Variants in KIAA0232 observed in about 807,000 individuals in gnomAD.
KIAA0232 encodes uncharacterized protein KIAA0232.
KIAA0232 carries 27 observed loss-of-function variants against 122.0 expected under a neutral mutation model. The ratio of observed to expected loss-of-function variants is 0.22; its 90% CI spans 0.16 to 0.31. KIAA0232 has a LOEUF of 0.31. Ranked by LOEUF, KIAA0232 falls within the 10% of genes least tolerant of loss-of-function variation. The pLI is 1.00. For missense variants in KIAA0232, 1,551 were observed against 1,634.2 expected, an observed-to-expected ratio of 0.95 and a Z score of 0.88; for synonymous variants, 613 against 587.6, an observed-to-expected ratio of 1.04 and a Z score of -0.63.
At chr4:6,783,399 C>T (rs958344661) in intron 1 of KIAA0232, among the ~76,000 whole-genome samples, 1 of 152,232 alleles carries the variant, frequency 6.6e-6, no homozygotes, top group African/African-American at 2.4e-5. Flanking sequence ...GCCGGGGCGG[C>T]TCTTCTAGGG....
rs1218271565 is a variant in KIAA0232, at chr4:6,871,652, TCTC to T, written c.3884_3886del (p.Pro1295del). On this transcript the variant is annotated inframe_deletion, in exon 8 of 10. Coordinates refer to ENST00000307659, the MANE Select transcript of KIAA0232 (RefSeq NM_014743.3). ...GACCTGGTGGGAAAAAGCCTTGTACTCTCCTCTTTTTCCTGCATCAGAGTGTGA... is the reference window on the plus strand; with the variant it reads ...GACCTGGTGGGAAAAAGCCTTGTACTCTCTTTTTCCTGCATCAGAGTGTGA... 3 of 1,610,284 alleles carry T rather than the reference TCTC, an allele frequency of 1.9e-6. No homozygotes were observed. The Admixed American group carries it at 5.0e-5, about 27-fold the overall frequency.
intron 5 of KIAA0232, among the ~76,000 whole-genome samples, 177 bp from the exon 6 acceptor site, chr4:6,858,248 G>C (rs897583297): frequency 6.6e-5 from 10 of 152,158 alleles, no homozygotes; most frequent in African/African-American, 2.4e-4. Flanking sequence ...TTTAATCGGA[G>C]AATTCCCTCT....
At chr4:6,864,250 C>G in intron 7 of KIAA0232, 67 bp downstream of exon 7, 4 of 1,466,640 alleles carry the variant, frequency 2.7e-6, no homozygotes, top group Non-Finnish European at 3.7e-6. Context: ...AACAGACATG[C>G]CAGTCAATGA....
chr4:6,839,110 A>G (rs1338638787), intron 3 of KIAA0232, among the ~76,000 whole-genome samples: 1 of 152,232 alleles, frequency 6.6e-6, no homozygotes, highest in East Asian at 1.9e-4. Context: ...TGGGTTACAG[A>G]GCAAGACTCT....
At chr4:6,810,348 T>C (rs1433624831) in intron 2 of KIAA0232, among the ~76,000 whole-genome samples, 1 of 152,104 alleles carries the variant, frequency 6.6e-6, no homozygotes, top group East Asian at 1.9e-4. Context: ...CTTAAAGAAA[T>C]GGTGCTGGAA....
chr4:6,871,739 AAT>A, intron 8 of KIAA0232, 57 bp downstream of exon 8: 1 of 1,083,160 alleles, frequency 9.2e-7, no homozygotes, highest in South Asian at 1.3e-5. Context: ...TGTTAAGAGC[AAT>A]AATTTCTTTT....
chr4:6,876,849 T>A, intron 9 of KIAA0232, 92 bp downstream of exon 9: 1 of 844,432 alleles, frequency 1.2e-6, no homozygotes. Context: ...GTCATGTGAG[T>A]GGACCCCACC....
In KIAA0232 at chr4:6,863,207, G is replaced by A. The variant is rs748046775; in HGVS notation, c.2825G>A (p.Ser942Asn). The change falls in exon 7 of 10, where the codon AGT (serine) becomes AAT (asparagine). Residue 942 changes from serine (S) to asparagine (N), a missense_variant. Ser to Asn is a conservative substitution (Grantham distance 46, BLOSUM62 1). Coordinates refer to ENST00000307659, the MANE Select transcript of KIAA0232 (RefSeq NM_014743.3). The stretch of plus-strand genomic sequence containing the variant: ...TATGGAGAACTCAAAACCTTCAATA[G>A]TGATGGGGAGTGGGCAGTCGTACCA... The part of the protein sequence containing the change: ...GVYGELKTFN[S>N]DGEWAVVPPS... 17 of 1,613,798 alleles carry A rather than the reference G, an allele frequency of 1.1e-5. No individual in the cohort carries two copies. The South Asian group carries it at 1.4e-4, about 14-fold the overall frequency.
At chr4:6,792,564 A>G (rs1387589677) in intron 1 of KIAA0232, among the ~76,000 whole-genome samples, 1 of 152,182 alleles carries the variant, frequency 6.6e-6, no homozygotes, top group Non-Finnish European at 1.5e-5. Context: ...TTGCATGTAG[A>G]ATATTAAGCT....
chr4:6,858,647 T>G, intron 6 of KIAA0232, 141 bp downstream of exon 6: 1 of 576,092 alleles, frequency 1.7e-6, no homozygotes, highest in South Asian at 2.4e-5. Flanking sequence ...AGCGCTTATA[T>G]GCTTGACACT....
At chr4:6,849,202 G>A (rs6833482) in intron 4 of KIAA0232, among the ~76,000 whole-genome samples, 123,658 of 152,162 alleles carry the variant, frequency 0.81, 50,771 homozygotes, top group Non-Finnish European at 0.85. Flanking sequence ...AGGGGTCCAG[G>A]AGGCAGATGG....
In KIAA0232 at chr4:6,861,479, G is replaced by A. The variant is rs371032398; in HGVS notation, c.1097G>A (p.Gly366Asp). 14 of 1,614,174 alleles carry A rather than the reference G, an allele frequency of 8.7e-6. No individual in the cohort carries two copies. Among genetic ancestry groups the A allele is most frequent in the South Asian group, 4.4e-5 (4 of 91,086 alleles). ...SGSVKQLCKR[G>D]KRPLKEIGRK... ...TCTGTCAAACAGCTGTGCAAGCGGG[G>A]TAAGAGACCTTTAAAAGAAATAGGG... The change falls in exon 7 of 10, where the codon GGT becomes GAT. Residue 366 changes from glycine to aspartate, a missense_variant. Transcript: ENST00000307659.
chr4:6,864,512 G>A (rs1221153931), intron 7 of KIAA0232, among the ~76,000 whole-genome samples: 1 of 152,102 alleles, frequency 6.6e-6, no homozygotes, highest in African/African-American at 2.4e-5. Context: ...GCCGAAGTGG[G>A]TAGATCATTT....
chr4:6,853,915 C>T (rs1720428982), intron 4 of KIAA0232, among the ~76,000 whole-genome samples: 1 of 152,132 alleles, frequency 6.6e-6, no homozygotes, highest in Non-Finnish European at 1.5e-5. Context: ...AAGGCTCAGT[C>T]TCCATCATCA....
intron 8 of KIAA0232, 95 bp from the exon 9 acceptor site, chr4:6,876,565 A>G (rs1721768123): frequency 4.6e-6 from 4 of 877,278 alleles, no homozygotes; most frequent in Admixed American, 2.0e-5. Flanking sequence ...GTAGCTTTTT[A>G]GTGAAAAATG....
rs554105339 is a variant in KIAA0232 at position 6,820,232 on chromosome 4, C to T, written c.-269-3953C>T. 4.2e-4 allele frequency among the ~76,000 whole-genome samples: 64 copies of T among 152,176 alleles called. 2 individuals are homozygous for T. The South Asian group carries it at 0.011, about 26-fold the overall frequency. On this transcript the variant is annotated intron_variant, in intron 2 of 9. Coordinates refer to ENST00000307659, the MANE Select transcript of KIAA0232 (RefSeq NM_014743.3). ...CATACCCAGGTAACAAACTTGCACACGTACCCCCTGAATCTAAAATAAAAG... is the reference window on the plus strand; with the variant it reads ...CATACCCAGGTAACAAACTTGCACATGTACCCCCTGAATCTAAAATAAAAG...
chr4:6,847,172 TTA>T (rs905527843), intron 4 of KIAA0232, among the ~76,000 whole-genome samples: 7 of 152,302 alleles, frequency 4.6e-5, no homozygotes, highest in African/African-American at 1.7e-4. Flanking sequence ...TGTGTGGCTA[TTA>T]TGTGTGTGTG....
intron 4 of KIAA0232, among the ~76,000 whole-genome samples, chr4:6,843,963 G>A (rs1392657720): frequency 4.1e-5 from 4 of 97,014 alleles, no homozygotes; most frequent in South Asian, 3.1e-4. Flanking sequence ...TTTTTTTGGC[G>A]GAGTCTTGCT....
intron 1 of KIAA0232, among the ~76,000 whole-genome samples, chr4:6,799,274 AT>A (rs1287883792): frequency 6.7e-6 from 1 of 149,280 alleles, no homozygotes; most frequent in Non-Finnish European, 1.5e-5. Flanking sequence ...CTCTTATCCA[AT>A]TTAGGTGGCT....
Sources: allele counts gnomAD v4.1 joint callset (sites outside exome capture counted in the v4.1 genomes callset), GRCh38; gene constraint gnomAD v4.1.1; transcripts MANE v1.5; gene names NCBI Gene and HGNC (gene_info 2026-07-23, HGNC 2026-07-21).